ADORA2B: variants seen among roughly 807,000 people sequenced by gnomAD.
ADORA2B encodes adenosine A2b receptor, also known as adenosine receptor A2b.
Under a neutral mutation model 20.8 loss-of-function variants are expected in ADORA2B, and 18 were observed. That is an observed-to-expected ratio of 0.87 (90% CI 0.60 to 1.29). The LOEUF is 1.29. Among genes scored for constraint, ADORA2B ranks in the 50% most tolerant of loss-of-function variants. The pLI is 0.00. For missense variants in ADORA2B, 441 were observed against 422.7 expected (o/e 1.04, Z -0.38); for synonymous variants, 179 against 178.3 (o/e 1.00, Z -0.03).
In ADORA2B at chr17:15,956,521, G is replaced by T. The variant is rs1234798863; in HGVS notation, c.335+10938G>T. Reference sequence around the variant, plus strand: ...TGATCCTGTCCACCTTCTGTTTTTAGAAACTCATAAAAATCTCCGGTTTGC... The same window carrying T: ...TGATCCTGTCCACCTTCTGTTTTTATAAACTCATAAAAATCTCCGGTTTGC... On this transcript the variant is annotated intron_variant, in intron 1 of 1. Coordinates refer to ENST00000304222, the MANE Select transcript of ADORA2B (RefSeq NM_000676.4). Among the ~76,000 whole-genome samples the T allele has an allele frequency of 2.0e-5, 3 of 150,176 alleles. No individual in the cohort carries two copies. In the East Asian group the frequency reaches 5.9e-4, roughly 30 times the overall value.
At chr17:15,882,543 C>T in the ADORA2B span, among the ~76,000 whole-genome samples, 1 of 152,248 alleles carries the variant, frequency 6.6e-6, no homozygotes, top group East Asian at 1.9e-4. Context: ...CATGCCACTG[C>T]ACTACTGCCT....
intron 1 of ADORA2B, among the ~76,000 whole-genome samples, chr17:15,945,865 T>TGGAAACCCCGGGGAAAGC (rs1969798214): frequency 1.3e-5 from 2 of 149,916 alleles, no homozygotes; most frequent in African/African-American, 4.9e-5. Context: ...GGAGGCGCCG[T>TGGAAACCCCGGGGAAAGC]GGAAACCCCG....
intron 1 of ADORA2B, among the ~76,000 whole-genome samples, chr17:15,950,764 C>T (rs1211506098): frequency 6.6e-6 from 1 of 152,208 alleles, no homozygotes; most frequent in Admixed American, 6.5e-5. Flanking sequence ...TGAGGCTGTG[C>T]ATGGTCGGCC....
At chr17:15,909,395 T>A in the ADORA2B span, among the ~76,000 whole-genome samples, 1 of 152,168 alleles carries the variant, frequency 6.6e-6, no homozygotes, top group Admixed American at 6.5e-5. Context: ...TTGATAACAT[T>A]TTTAGCTCTC....
At chr17:15,932,219 G>T in the ADORA2B span, among the ~76,000 whole-genome samples, 1 of 152,058 alleles carries the variant, frequency 6.6e-6, no homozygotes, top group Non-Finnish European at 1.5e-5. Context: ...TGTTGGCCGG[G>T]CATGGTGGCT....
chr17:15,900,374 A>C, the ADORA2B span, among the ~76,000 whole-genome samples: 1 of 152,200 alleles, frequency 6.6e-6, no homozygotes, highest in African/African-American at 2.4e-5. Context: ...CATTCCCACC[A>C]ACAGGGTATA....
intron 1 of ADORA2B, among the ~76,000 whole-genome samples, chr17:15,959,886 A>T (rs867587455): frequency 1.3e-5 from 2 of 152,174 alleles, no homozygotes; most frequent in Non-Finnish European, 2.9e-5. Context: ...GTTCTTTTTT[A>T]AAAAATCCAG....
chr17:15,891,942 G>C, the ADORA2B span, among the ~76,000 whole-genome samples: 4 of 149,998 alleles, frequency 2.7e-5, no homozygotes, highest in Non-Finnish European at 1.5e-5. Flanking sequence ...CCACCTGCTA[G>C]GTTCAAGCAA....
chr17:15,870,060 C>T, the ADORA2B span, among the ~76,000 whole-genome samples: 1,751 of 149,814 alleles, frequency 0.012, 36 homozygotes, highest in African/African-American at 0.042. Flanking sequence ...AAATAAGTTT[C>T]GTAAGCACAC....
rs138148722 is a variant in ADORA2B, at chr17:15,961,119, A to G, written c.336-13560A>G. ...GAGGCGGAGCTTGCAGTGAGCCAAG[A>G]TCATGCCACTGCACTCCAGCCTTGG... On this transcript the variant is annotated intron_variant, in intron 1 of 1. Transcript: ENST00000304222. Among the ~76,000 whole-genome samples, 938 of 151,804 alleles carry G rather than the reference A, an allele frequency of 6.2e-3. 8 individuals carry two copies. The highest frequency in any genetic ancestry group is 0.022 in the African/African-American group (897 of 41,330).
At chr17:15,899,177 C>A in the ADORA2B span, among the ~76,000 whole-genome samples, 35,656 of 151,680 alleles carry the variant, frequency 0.24, 4,392 homozygotes, top group Non-Finnish European at 0.27. Flanking sequence ...TTGCAGTGTG[C>A]CAAGATAGCA....
chr17:15,902,820 G>A, the ADORA2B span, among the ~76,000 whole-genome samples: 1 of 152,276 alleles, frequency 6.6e-6, no homozygotes, highest in East Asian at 1.9e-4. Context: ...TTCAGAATCA[G>A]CTTCAGATGC....
At chr17:15,967,988 T>C (rs962400059) in intron 1 of ADORA2B, among the ~76,000 whole-genome samples, 1 of 152,184 alleles carries the variant, frequency 6.6e-6, no homozygotes, top group African/African-American at 2.4e-5. Context: ...CGGCTCCTTC[T>C]AGGGGAGGGG....
At chr17:15,926,244 A>C in the ADORA2B span, among the ~76,000 whole-genome samples, 2 of 152,090 alleles carry the variant, frequency 1.3e-5, no homozygotes, top group Non-Finnish European at 2.9e-5. Flanking sequence ...AGTAAGTGAG[A>C]CAAACGGGGT....
At chr17:15,897,095 A>G in the ADORA2B span, among the ~76,000 whole-genome samples, 1 of 152,222 alleles carries the variant, frequency 6.6e-6, no homozygotes, top group Non-Finnish European at 1.5e-5. Flanking sequence ...TGAAAAGGAT[A>G]GAAACAATGG....
At chr17:15,871,857 A>G in the ADORA2B span, among the ~76,000 whole-genome samples, 1 of 152,088 alleles carries the variant, frequency 6.6e-6, no homozygotes, top group Non-Finnish European at 1.5e-5. Context: ...ACTGTAATAA[A>G]TTTGTGCATA....
the ADORA2B span, among the ~76,000 whole-genome samples, chr17:15,862,983 T>C: frequency 5.3e-5 from 8 of 152,188 alleles, no homozygotes; most frequent in East Asian, 1.9e-4. Flanking sequence ...CTAGGACTTA[T>C]TGTTATACCT....
chr17:15,867,721 C>T, the ADORA2B span, among the ~76,000 whole-genome samples: 57 of 148,626 alleles, frequency 3.8e-4, no homozygotes, highest in African/African-American at 1.4e-3. Context: ...AGGTGAGGGG[C>T]GCCTCTGCCC....
At chr17:15,855,106 T>G in the ADORA2B span, among the ~76,000 whole-genome samples, 1 of 151,596 alleles carries the variant, frequency 6.6e-6, no homozygotes, top group Non-Finnish European at 1.5e-5. Flanking sequence ...ATTCTATATT[T>G]TTTTAGTAGA....
Sources: gnomAD v4.1 joint callset for allele counts (sites outside exome capture counted in the v4.1 genomes callset) on GRCh38, gnomAD v4.1.1 for gene constraint, MANE v1.5 for transcripts, NCBI Gene and HGNC (gene_info 2026-07-23, HGNC 2026-07-21) for gene names.